CCAR1: variants seen among roughly 807,000 people sequenced by gnomAD.
The protein encoded by CCAR1 is cell division cycle and apoptosis regulator protein 1.
CCAR1 carries 78 observed loss-of-function variants against 163.8 expected under a neutral mutation model. That is an observed-to-expected ratio of 0.48 (90% confidence interval 0.40 to 0.57). CCAR1 has a LOEUF of 0.57. CCAR1 is among the 20% of genes least tolerant of loss of function. The pLI is 0.00. For missense variants in CCAR1, 1,019 were observed against 1,365.2 expected (o/e 0.75, Z 4.00); for synonymous variants, 443 against 460.7 (o/e 0.96, Z 0.49).
chr10:68,756,304 C>T lies in CCAR1; in HGVS notation c.1657C>T (p.Pro553Ser). 6.2e-7 allele frequency: 1 copy of T among 1,614,062 alleles called. No homozygotes were observed. Residue 553 changes from proline (P) to serine (S), a missense_variant, in exon 14 of 25, where the codon CCT (proline) becomes TCT (serine). Around this residue, in one of 4 missense-constraint regions of CCAR1, gnomAD observed 644 missense variants for 904.4 expected, o/e 0.71. Transcript: ENST00000265872. The surrounding 1 kb of genome is among the most constrained non-coding windows in gnomAD (Gnocchi z 5.1). ...YRFAEIRYHR[P>S]EETHKGRTVP... ...TTTTGCAGAGATTCGCTACCATCGC[C>T]CTGAGGAGACCCACAAGGGGCGTAC...
At chr10:68,743,792 C>A (rs1030164238) in intron 6 of CCAR1, among the ~76,000 whole-genome samples, 5 of 151,300 alleles carry the variant, frequency 3.3e-5, no homozygotes, top group African/African-American at 1.2e-4. Flanking sequence ...GCTCTGTCAC[C>A]CAGGCTGGAG....
rs7899502 is a variant in CCAR1, at chr10:68,743,036, G to A, written c.518+467G>A. Reference sequence around the variant, plus strand: ...CAACCTCCGCCTCCTGGGTTCAAGTGATTCTCCTGCCTCAGCCTCCCGAGT... The same window carrying A: ...CAACCTCCGCCTCCTGGGTTCAAGTAATTCTCCTGCCTCAGCCTCCCGAGT... On this transcript the variant is annotated intron_variant, in intron 6 of 24. Coordinates refer to ENST00000265872, the MANE Select transcript of CCAR1 (RefSeq NM_018237.4). Among the ~76,000 whole-genome samples the A allele has an allele frequency of 2.8e-3, 418 of 150,570 alleles. 3 individuals are homozygous for A. The highest frequency in any genetic ancestry group is 9.5e-3 in the African/African-American group (390 of 40,874).
intron 23 of CCAR1, among the ~76,000 whole-genome samples, chr10:68,789,399 C>T (rs550106069): frequency 6.6e-6 from 1 of 151,968 alleles, no homozygotes; most frequent in East Asian, 2.0e-4. Flanking sequence ...CGAGACCAGC[C>T]TGACCAACAT....
At position 68,742,412 on chromosome 10, in the gene CCAR1, A is replaced by G. The variant is rs1245140215; in HGVS notation, c.361A>G (p.Thr121Ala). Residue 121 changes from threonine (T) to alanine (A), a missense_variant, in exon 6 of 25, where the codon ACT becomes GCT. Physicochemically the swap from Thr to Ala is moderately conservative, Grantham distance 58. Coordinates refer to ENST00000265872, the MANE Select transcript of CCAR1 (RefSeq NM_018237.4). The stretch of plus-strand genomic sequence containing the variant: ...ACTGCCTACAAGCCTTAGCCTGTCT[A>G]CTCCTCAGCCAACAGCACAAATAAC... ...VALPTSLSLS[T>A]PQPTAQITVS... 2 of 1,613,830 alleles carry G rather than the reference A, an allele frequency of 1.2e-6. No individual in the cohort carries two copies. Among genetic ancestry groups the G allele is most frequent in the African/African-American group, 1.3e-5 (1 of 74,880 alleles).
Position 68,791,434 on chromosome 10 carries a change from C to G in CCAR1, c.*168C>G, listed in dbSNP as rs1269455778. The G allele has an allele frequency of 1.1e-5, 5 of 459,000 alleles. No homozygotes were observed. The highest frequency in any genetic ancestry group is 1.6e-5 in the Non-Finnish European group (4 of 254,752). The allele number at this position is 459,000 out of a possible 1,614,324, so 28.4% of individuals were successfully genotyped here. On this transcript the variant is annotated 3_prime_UTR_variant, in exon 25 of 25. Transcript: ENST00000265872. ...TGTGAGTTTCTGCTTTTGAAAATTGCTTGTAATTCCTAGCCTTCAAATTAT... is the reference window on the plus strand; with the variant it reads ...TGTGAGTTTCTGCTTTTGAAAATTGGTTGTAATTCCTAGCCTTCAAATTAT...
Position 68,768,553 on chromosome 10 carries a change from G to A in CCAR1, c.2298+2474G>A, listed in dbSNP as rs374555065. ...TTGAACGCAGCGGGCAGAGGTTGTC[G>A]TGAGCCAAGATTGTGCCACTGCACT... is the stretch of plus-strand genomic sequence containing the variant. On this transcript the variant is annotated intron_variant, in intron 17 of 24. Coordinates refer to ENST00000265872, the MANE Select transcript of CCAR1 (RefSeq NM_018237.4). Among the ~76,000 whole-genome samples the A allele has an allele frequency of 3.9e-5, 6 of 152,208 alleles. No individual in the cohort carries two copies. In the East Asian group the frequency reaches 5.8e-4, roughly 15 times the overall value.
chr10:68,751,062 T>C (rs1268668944), intron 10 of CCAR1, among the ~76,000 whole-genome samples: 1 of 151,752 alleles, frequency 6.6e-6, no homozygotes, highest in Admixed American at 6.6e-5. Flanking sequence ...AGTTTCGCTC[T>C]TGTTCCCCAG....
intron 12 of CCAR1, 62 bp downstream of exon 12, chr10:68,754,889 C>T: frequency 1.1e-6 from 1 of 878,696 alleles, no homozygotes; most frequent in Non-Finnish European, 1.9e-6. Context: ...TAACTTTGTA[C>T]ACATAAAATC....
At chr10:68,740,589 A>T in intron 4 of CCAR1, 40 bp from the exon 5 acceptor site, 1 of 1,570,104 alleles carries the variant, frequency 6.4e-7, no homozygotes, top group Non-Finnish European at 8.7e-7. Context: ...AACAATTCTG[A>T]TTGACCCTTT....
intron 3 of CCAR1, 63 bp downstream of exon 3, chr10:68,737,111 A>G (rs1010935875): frequency 4.6e-6 from 5 of 1,093,166 alleles, no homozygotes; most frequent in South Asian, 1.4e-5. Context: ...AGTAGCTAGC[A>G]TTGCTACCTT....
chr10:68,769,802 G>A (rs759242460), intron 17 of CCAR1, among the ~76,000 whole-genome samples: 4 of 151,646 alleles, frequency 2.6e-5, no homozygotes, highest in Non-Finnish European at 5.9e-5. Flanking sequence ...TTAGCCAGGC[G>A]TGGTGGCAGG....
chr10:68,770,327 G>A (rs989540879), intron 17 of CCAR1, among the ~76,000 whole-genome samples: 26 of 152,210 alleles, frequency 1.7e-4, no homozygotes, highest in African/African-American at 5.3e-4. Context: ...GATGATAGGA[G>A]GGGTTTTTAT....
chr10:68,769,550 G>A (rs1249148796), intron 17 of CCAR1, among the ~76,000 whole-genome samples: 1 of 152,054 alleles, frequency 6.6e-6, no homozygotes, highest in Non-Finnish European at 1.5e-5. Flanking sequence ...AACCTGGGAG[G>A]CGGAGGTTGC....
At chr10:68,777,888 C>T (rs1246846993) in intron 19 of CCAR1, among the ~76,000 whole-genome samples, 1 of 151,708 alleles carries the variant, frequency 6.6e-6, no homozygotes, top group Non-Finnish European at 1.5e-5. Context: ...GCGATGATCA[C>T]ACCACTGCAC....
chr10:68,728,968 G>A (rs1207728753), intron 2 of CCAR1, among the ~76,000 whole-genome samples: 56 of 147,388 alleles, frequency 3.8e-4, no homozygotes, highest in Middle Eastern at 3.5e-3. Context: ...AAAAAAAAAA[G>A]CCCTGTCCAA....
chr10:68,748,953 C>T (rs1464819949), intron 8 of CCAR1, among the ~76,000 whole-genome samples, 183 bp from the exon 9 acceptor site: 2 of 152,156 alleles, frequency 1.3e-5, no homozygotes, highest in Non-Finnish European at 2.9e-5. Context: ...GCCGAGATTA[C>T]TGGTGTGAGC....
chr10:68,747,639 A>G, intron 8 of CCAR1, 73 bp downstream of exon 8: 1 of 1,344,520 alleles, frequency 7.4e-7, no homozygotes, highest in Non-Finnish European at 1.0e-6. Context: ...TTTTAATTAC[A>G]AAAAAAGGCA....
intron 2 of CCAR1, among the ~76,000 whole-genome samples, chr10:68,725,633 ATG>A: frequency 6.6e-6 from 1 of 152,230 alleles, no homozygotes; most frequent in South Asian, 2.1e-4. Context: ...ATTCTACAGA[ATG>A]AGATTTTGAT....
At position 68,753,969 on chromosome 10, in the gene CCAR1, G is replaced by A. The variant is rs984581662; in HGVS notation, c.1236G>A (p.Gln412=). Residue 412 remains glutamine (Q), a synonymous_variant, in exon 11 of 25, where the codon CAG becomes CAA. Coordinates refer to ENST00000265872, the MANE Select transcript of CCAR1 (RefSeq NM_018237.4). ...CTTTCCCTTTGTCAAGACCATTTCA[G>A]CTGGGAAATTACTGCAATTTTTATG... ...VDAFPLSRPF[Q]LGNYCNFYVM... The A allele has an allele frequency of 1.2e-6, 2 of 1,613,904 alleles. No individual in the cohort carries two copies. Among genetic ancestry groups the A allele is most frequent in the Middle Eastern group, 3.3e-4 (2 of 6,060 alleles).
Sources: gnomAD v4.1 joint callset for allele counts (sites outside exome capture counted in the v4.1 genomes callset) on GRCh38, gnomAD v4.1.1 for gene constraint, gnomAD v4.1.1 regional missense constraint, Gnocchi (gnomAD v3.1) non-coding constraint, MANE v1.5 for transcripts, NCBI Gene and HGNC (gene_info 2026-07-23, HGNC 2026-07-21) for gene names.